Variants in PARVB observed in about 807,000 individuals in gnomAD.
The protein encoded by PARVB is parvin beta.
PARVB carries 46 observed loss-of-function variants against 47.0 expected under a neutral mutation model. The observed-to-expected ratio is 0.98, with a 90% confidence interval of 0.77 to 1.25. The LOEUF (loss-of-function observed/expected upper bound fraction) is 1.25, where lower values mean the gene tolerates loss of function less well. Ranked by LOEUF, PARVB falls within the 50% of genes most tolerant of loss-of-function variation. The pLI is 0.00. For missense variants in PARVB, 473 were observed against 471.6 expected, an observed-to-expected ratio of 1.00 and a Z score of -0.03; for synonymous variants, 196 against 196.3, an observed-to-expected ratio of 1.00 and a Z score of 0.01.
chr22:44,070,983 C>T (rs904289370), intron 1 of PARVB, among the ~76,000 whole-genome samples: 3 of 151,720 alleles, frequency 2.0e-5, no homozygotes, highest in Non-Finnish European at 4.4e-5. Context: ...CAGACCAGGA[C>T]CCCCCGGCCC....
chr22:44,078,549 C>A (rs999383033), intron 1 of PARVB, among the ~76,000 whole-genome samples: 1 of 152,136 alleles, frequency 6.6e-6, no homozygotes, highest in Non-Finnish European at 1.5e-5. Flanking sequence ...CACATCGGGC[C>A]CCCTGAATAA....
At chr22:44,157,297 C>T (rs946286849) in intron 10 of PARVB, among the ~76,000 whole-genome samples, 5 of 152,176 alleles carry the variant, frequency 3.3e-5, no homozygotes, top group African/African-American at 9.6e-5. Flanking sequence ...TGCTCCCTCC[C>T]AGCCGTCTCG....
chr22:44,060,751 G>A (rs1239740549), intron 1 of PARVB, among the ~76,000 whole-genome samples: 1 of 151,838 alleles, frequency 6.6e-6, no homozygotes, highest in Non-Finnish European at 1.5e-5. Flanking sequence ...TGGGGTGCTG[G>A]GTTTAGTTCA....
chr22:44,092,521 C>G (rs926690174), intron 1 of PARVB, among the ~76,000 whole-genome samples: 2 of 152,164 alleles, frequency 1.3e-5, no homozygotes, highest in African/African-American at 4.8e-5. Flanking sequence ...ATGAGAGGAG[C>G]TGGCATCCTT....
intron 4 of PARVB, among the ~76,000 whole-genome samples, chr22:44,130,706 C>G (rs978712443): frequency 3.9e-5 from 6 of 152,176 alleles, no homozygotes; most frequent in Non-Finnish European, 7.3e-5. Flanking sequence ...TTTTGGGACC[C>G]ACAGGGACAG....
At chr22:44,030,666 C>T (rs1488735146) in intron 1 of PARVB, among the ~76,000 whole-genome samples, 7 of 152,048 alleles carry the variant, frequency 4.6e-5, no homozygotes, top group Non-Finnish European at 8.8e-5. Flanking sequence ...TGGGCGCAGG[C>T]GTGGCTGTGA....
At chr22:44,100,633 G>A (rs944133578) in intron 3 of PARVB, among the ~76,000 whole-genome samples, 2 of 152,130 alleles carry the variant, frequency 1.3e-5, no homozygotes, top group Admixed American at 6.5e-5. Context: ...TGGCTGCCCC[G>A]CTCCCAGAAG....
intron 11 of PARVB, among the ~76,000 whole-genome samples, 189 bp downstream of exon 11, chr22:44,158,272 C>T (rs181042786): frequency 2.6e-5 from 4 of 152,364 alleles, no homozygotes; most frequent in Non-Finnish European, 2.9e-5. Flanking sequence ...CCGTCCACAA[C>T]GCATCCGAGT....
At position 44,088,466 on chromosome 22, in the gene PARVB, T is replaced by G. The variant is rs75251288; in HGVS notation, c.113-5462T>G. 5.9e-3 allele frequency among the ~76,000 whole-genome samples: 900 copies of G among 152,212 alleles called. 10 individuals carry two copies. Among genetic ancestry groups the G allele is most frequent in the African/African-American group, 0.02 (817 of 41,524 alleles). On this transcript the variant is annotated intron_variant, in intron 1 of 12. Coordinates refer to ENST00000338758, the MANE Select transcript of PARVB (RefSeq NM_013327.5). ...ACTCCCTCACAGACTTGTTTATTTA[T>G]TATTATTGTTATTATTTTTGAGACA...
chr22:44,037,580 G>A (rs1276384005), intron 1 of PARVB, among the ~76,000 whole-genome samples: 1 of 152,194 alleles, frequency 6.6e-6, no homozygotes, highest in Non-Finnish European at 1.5e-5. Flanking sequence ...GGTGTTATGT[G>A]GTTATTCCCA....
chr22:44,158,110 A>G (rs749176172), intron 11 of PARVB, 27 bp downstream of exon 11: 2 of 1,452,594 alleles, frequency 1.4e-6, no homozygotes, highest in East Asian at 2.3e-5. Context: ...CATCCTTGGT[A>G]GGGGCTCAAG....
At chr22:44,084,109 G>A (rs1250111460) in intron 1 of PARVB, among the ~76,000 whole-genome samples, 3 of 152,196 alleles carry the variant, frequency 2.0e-5, no homozygotes, top group Admixed American at 6.5e-5. Flanking sequence ...ATGATGGGAC[G>A]GCTTCAACCT....
chr22:44,026,180 A>G (rs1014874484), intron 1 of PARVB: 6 of 340,986 alleles, frequency 1.8e-5, no homozygotes, highest in African/African-American at 1.3e-4. Flanking sequence ...GACTGGGCCC[A>G]AATTCCAAAG....
At position 44,089,898 on chromosome 22, in the gene PARVB, C is replaced by G. The variant is rs1314874607; in HGVS notation, c.113-4030C>G. Among the ~76,000 whole-genome samples, 1 of 152,182 alleles carries G rather than the reference C, an allele frequency of 6.6e-6. No homozygotes were observed. Among genetic ancestry groups the G allele is most frequent in the South Asian group, 2.1e-4 (1 of 4,830 alleles). On this transcript the variant is annotated intron_variant, in intron 1 of 12. Coordinates refer to ENST00000338758, the MANE Select transcript of PARVB (RefSeq NM_013327.5). This position sits in a 1 kb window ranked among gnomAD's most constrained non-coding sequence, Gnocchi z 4.0. ...TCCTTAGCCTGGCCATATTTCAAGGCCAGTTCAATTGCTGCCTCCTCCAGG... is the reference window on the plus strand; with the variant it reads ...TCCTTAGCCTGGCCATATTTCAAGGGCAGTTCAATTGCTGCCTCCTCCAGG...
At chr22:44,117,119 C>T (rs988248007) in intron 3 of PARVB, among the ~76,000 whole-genome samples, 2 of 152,060 alleles carry the variant, frequency 1.3e-5, no homozygotes, top group Middle Eastern at 6.8e-3. Flanking sequence ...GCTCACGGAA[C>T]CCCCTCTCCC....
rs2053910253 is a variant in PARVB at position 44,155,439 on chromosome 22, C to G, written c.844-2543C>G. On this transcript the variant is annotated intron_variant, in intron 10 of 12. Coordinates refer to ENST00000338758, the MANE Select transcript of PARVB (RefSeq NM_013327.5). This position sits in a 1 kb window ranked among gnomAD's most constrained non-coding sequence, Gnocchi z 4.8. ...CGCAGCTGGGCCCCCCAGCCCTGCCCTCTCCTTGTGGCCGTCCCTCCCTCC... is the reference window on the plus strand; with the variant it reads ...CGCAGCTGGGCCCCCCAGCCCTGCCGTCTCCTTGTGGCCGTCCCTCCCTCC... 6.6e-6 allele frequency among the ~76,000 whole-genome samples: 1 copy of G among 152,196 alleles called. No homozygotes were observed. The highest frequency in any genetic ancestry group is 2.4e-5 in the African/African-American group (1 of 41,452).
At chr22:44,019,560 C>T (rs369738773), upstream of PARVB, among the ~76,000 whole-genome samples, 5 of 152,318 alleles carry the variant, frequency 3.3e-5, no homozygotes, top group East Asian at 1.9e-4. Context: ...TTGTCGCTCA[C>T]GGCTCTGCAG....
rs111346216 is a variant in PARVB at position 44,058,182 on chromosome 22, C to T, written c.112+33731C>T. On this transcript the variant is annotated intron_variant, in intron 1 of 12. Coordinates refer to ENST00000338758, the MANE Select transcript of PARVB (RefSeq NM_013327.5). ...TACAGAGCAGAAGTTTATTCTCTCC[C>T]AGCTCTGAAGACCAGAAGTCCAAGA... Among the ~76,000 whole-genome samples the T allele has an allele frequency of 1.2e-3, 187 of 152,286 alleles. 1 individual carries two copies. The highest frequency in any genetic ancestry group is 4.2e-3 in the African/African-American group (176 of 41,560).
At chr22:44,023,532 C>T (rs28612308), upstream of PARVB, among the ~76,000 whole-genome samples, 35 of 63,542 alleles carry the variant, frequency 5.5e-4, no homozygotes, top group East Asian at 4.3e-4. Flanking sequence ...TAAAATAAAA[C>T]AAAACAAAAT....
Sources: allele counts gnomAD v4.1 joint callset (sites outside exome capture counted in the v4.1 genomes callset), GRCh38; gene constraint gnomAD v4.1.1; non-coding constraint Gnocchi (gnomAD v3.1); transcripts MANE v1.5; gene names NCBI Gene and HGNC (gene_info 2026-07-23, HGNC 2026-07-21).